Variants in SLCO2B1 observed in about 807,000 individuals in gnomAD.
SLCO2B1 encodes the protein OATP-RP2.
A neutral mutation model predicts 67.3 loss-of-function variants in SLCO2B1; 41 were observed. That is an observed-to-expected ratio of 0.61 (90% confidence interval 0.47 to 0.79). The LOEUF (loss-of-function observed/expected upper bound fraction) is 0.79, where lower values mean the gene tolerates loss of function less well. SLCO2B1 is among the 30% of genes least tolerant of loss of function. The pLI, the probability that SLCO2B1 is intolerant of heterozygous loss-of-function variation, is 0.00. For synonymous variants in SLCO2B1, 379 were observed against 381.4 expected (o/e 0.99, Z 0.07); for missense variants, 837 against 920.1 (o/e 0.91, Z 1.17).
intron 11 of SLCO2B1, 92 bp from the exon 12 acceptor site, chr11:75,202,809 A>T (rs892928485): frequency 9.1e-7 from 1 of 1,096,618 alleles, no homozygotes; most frequent in Non-Finnish European, 1.4e-6. Flanking sequence ...GGTGGGAGAG[A>T]AGGGCATAAT....
At chr11:75,194,549 C>G (rs1279177635) in intron 9 of SLCO2B1, among the ~76,000 whole-genome samples, 3 of 151,716 alleles carry the variant, frequency 2.0e-5, no homozygotes, top group Non-Finnish European at 2.9e-5. Context: ...TCCCCCATCT[C>G]CCCTCCCTCC....
At chr11:75,179,160 T>C (rs896210626) in intron 7 of SLCO2B1, among the ~76,000 whole-genome samples, 1 of 151,780 alleles carries the variant, frequency 6.6e-6, no homozygotes, top group African/African-American at 2.4e-5. Context: ...TTTTTAAAAA[T>C]GTTTTCATTT....
chr11:75,192,336 C>A (rs549581795), intron 8 of SLCO2B1, among the ~76,000 whole-genome samples: 1 of 152,306 alleles, frequency 6.6e-6, no homozygotes, highest in South Asian at 2.1e-4. Flanking sequence ...AACAAAACCC[C>A]CTGATCTTTT....
intron 1 of SLCO2B1, chr11:75,159,999 C>T (rs1256117729): frequency 2.9e-6 from 1 of 342,594 alleles, no homozygotes; most frequent in Non-Finnish European, 4.1e-6. Flanking sequence ...CCAGTATACC[C>T]AGGAAGCTAA....
chr11:75,179,218 A>ATTTTTTTTTTTTTTTTTTT (rs373993870), intron 7 of SLCO2B1, among the ~76,000 whole-genome samples: 1 of 66,648 alleles, frequency 1.5e-5, no homozygotes, highest in African/African-American at 6.2e-5. Flanking sequence ...GATACATGAG[A>ATTTTTTTTTTTTTTTTTTT]TTTTTTTTTT....
chr11:75,199,509 C>G (rs1368437348), intron 10 of SLCO2B1: 1 of 152,436 alleles, frequency 6.6e-6, no homozygotes, highest in East Asian at 1.9e-4. Context: ...CCCAAGGCCC[C>G]CAGCATCCAC....
Position 75,165,913 on chromosome 11 carries a change from A to G in SLCO2B1, c.412A>G (p.Ile138Val). The G allele has an allele frequency of 6.2e-7, 1 of 1,613,986 alleles. No individual in the cohort carries two copies. Among genetic ancestry groups the G allele is most frequent in the Non-Finnish European group, 8.5e-7 (1 of 1,179,972 alleles). The stretch of plus-strand genomic sequence containing the variant: ...CCTGCTCATGACTCTCCCGCACTTC[A>G]TCTCGGAGCCATACCGCTACGACAA... ...AGLLMTLPHF[I>V]SEPYRYDNTS... Residue 138 changes from isoleucine (I) to valine (V), a missense_variant, in exon 4 of 14, where the codon ATC becomes GTC. Transcript: ENST00000289575.
chr11:75,200,375 T>A lies in SLCO2B1; in HGVS notation c.1751T>A (p.Met584Lys). 6.2e-7 allele frequency: 1 copy of A among 1,605,674 alleles called. No individual in the cohort carries two copies. ...LACLTHTPSF[M>K]LILRGVKKED... ...TGTCTCACCCACACACCCTCCTTCA[T>A]GCTCATCCTAAGGTGAAGGTGGGGG... Residue 584 changes from methionine to lysine, a missense_variant, in exon 11 of 14, where the codon ATG becomes AAG. Physicochemically the swap from Met to Lys is moderately conservative, Grantham distance 95. Transcript: ENST00000289575.
chr11:75,197,034 T>A (rs1408072176), intron 10 of SLCO2B1, among the ~76,000 whole-genome samples: 1 of 152,214 alleles, frequency 6.6e-6, no homozygotes, highest in Admixed American at 6.5e-5. Context: ...GAGAATCACT[T>A]GAATCCGGGA....
chr11:75,176,230 T>C (rs1392180094), intron 7 of SLCO2B1, among the ~76,000 whole-genome samples: 1 of 152,160 alleles, frequency 6.6e-6, no homozygotes, highest in Non-Finnish European at 1.5e-5. Context: ...GTGCTCCCAT[T>C]CAGCCAGCAA....
At chr11:75,164,441 A>G (rs1453465918) in intron 3 of SLCO2B1, among the ~76,000 whole-genome samples, 1 of 152,168 alleles carries the variant, frequency 6.6e-6, no homozygotes, top group Non-Finnish European at 1.5e-5. Context: ...AGCCACTTCA[A>G]CAGTAGTGAG....
intron 10 of SLCO2B1, among the ~76,000 whole-genome samples, chr11:75,197,024 G>A (rs973580102): frequency 6.6e-6 from 1 of 152,226 alleles, no homozygotes; most frequent in East Asian, 1.9e-4. Context: ...GCTGAGGCAG[G>A]AGAATCACTT....
intron 1 of SLCO2B1, among the ~76,000 whole-genome samples, chr11:75,156,532 G>A (rs909104661): frequency 1.3e-5 from 2 of 152,128 alleles, no homozygotes; most frequent in African/African-American, 2.4e-5. Flanking sequence ...CTGGAGGGAG[G>A]TGTCTGCCAT....
chr11:75,191,950 C>T (rs1357011870), intron 8 of SLCO2B1, among the ~76,000 whole-genome samples: 2 of 152,190 alleles, frequency 1.3e-5, no homozygotes, highest in African/African-American at 4.8e-5. Context: ...GCAGTGGGGG[C>T]AACCTGTGAA....
At position 75,206,110 on chromosome 11, in the gene SLCO2B1, A is replaced by T. The variant is rs1229548463; in HGVS notation, c.*1530A>T. 8.5e-5 allele frequency: 13 copies of T among 152,250 alleles called. No individual in the cohort carries two copies. The allele number at this position is 152,250 out of a possible 1,614,324, so 9.4% of individuals were successfully genotyped here. A position where few individuals can be genotyped will look rare whatever the true frequency, so the allele number is the denominator to read the frequency against. ...TAAATATCTGAGCATGTATCTATCA[A>T]CGCCAAGAATTTCAAAGTCTCCTTC... On this transcript the variant is annotated 3_prime_UTR_variant, in exon 14 of 14. Transcript: ENST00000289575.
At chr11:75,156,564 C>A (rs1407703604) in intron 1 of SLCO2B1, among the ~76,000 whole-genome samples, 4 of 152,128 alleles carry the variant, frequency 2.6e-5, no homozygotes, top group Non-Finnish European at 5.9e-5. Flanking sequence ...ATGGATTGCC[C>A]AGCATCTGCT....
chr11:75,187,989 GGAAC>G (rs1944963065), intron 7 of SLCO2B1, 143 bp from the exon 8 acceptor site: 1 of 554,690 alleles, frequency 1.8e-6, no homozygotes, highest in African/African-American at 1.9e-5. Flanking sequence ...AAGAACAAAT[GGAAC>G]ACTGCAGGCC....
chr11:75,151,565 G>T (rs925691150), intron 1 of SLCO2B1, among the ~76,000 whole-genome samples, 168 bp downstream of exon 1: 1 of 152,166 alleles, frequency 6.6e-6, no homozygotes, highest in South Asian at 2.1e-4. Flanking sequence ...TTAAATGAAT[G>T]AGTGAATGAC....
At chr11:75,169,514 A>C (rs1949934994) in intron 5 of SLCO2B1, 108 bp downstream of exon 5, 2 of 1,226,462 alleles carry the variant, frequency 1.6e-6, no homozygotes, top group African/African-American at 3.0e-5. Context: ...CCCCTGCCCC[A>C]TCTGGCCAGT....
Sources: gnomAD v4.1 joint callset for allele counts (sites outside exome capture counted in the v4.1 genomes callset) on GRCh38, gnomAD v4.1.1 for gene constraint, MANE v1.5 for transcripts, NCBI Gene and HGNC (gene_info 2026-07-23, HGNC 2026-07-21) for gene names.